Variants in TGM2 observed in about 807,000 individuals in gnomAD.
TGM2 encodes the protein protein-glutamine gamma-glutamyltransferase 2.
In TGM2, 53 loss-of-function variants were observed where a neutral mutation model predicts 75.6. The ratio of observed to expected loss-of-function variants is 0.70; its 90% CI spans 0.56 to 0.88. TGM2 has a LOEUF of 0.88. Ranked by LOEUF, TGM2 falls within the 40% of genes least tolerant of loss-of-function variation. The pLI is 0.00. For missense variants in TGM2, 842 were observed against 928.5 expected (o/e 0.91, Z 1.21); for synonymous variants, 374 against 381.1 (o/e 0.98, Z 0.22).
chr20:38,137,126 G>A (rs1009986512), intron 10 of TGM2, among the ~76,000 whole-genome samples: 1 of 152,192 alleles, frequency 6.6e-6, no homozygotes, highest in East Asian at 1.9e-4. Flanking sequence ...TTGGCTCGCC[G>A]ATCTGCTCTG....
Position 38,130,358 on chromosome 20 carries a change from A to T in TGM2, c.1925T>A (p.Val642Glu). The T allele has an allele frequency of 6.3e-7, 1 of 1,593,392 alleles. No individual in the cohort carries two copies. Among genetic ancestry groups the T allele is most frequent in the Non-Finnish European group, 8.5e-7 (1 of 1,170,500 alleles). ...CACCTTAACTTCCTCCCCTGCCTCC[A>T]CGGGGTCTGGGCTGCAGGGAGAGAG... is the stretch of plus-strand genomic sequence containing the variant. ...EQKTVEIPDPVEAGEEVKVRM... is the reference protein window; with the variant it reads ...EQKTVEIPDPEEAGEEVKVRM... Residue 642 changes from valine to glutamate, a missense_variant, in exon 13 of 13, where the codon GTG (valine) becomes GAG (glutamate). Transcript: ENST00000361475.
At chr20:38,140,251 G>A (rs2074954888) in intron 8 of TGM2, among the ~76,000 whole-genome samples, 1 of 152,242 alleles carries the variant, frequency 6.6e-6, no homozygotes, top group Admixed American at 6.5e-5. Context: ...CCAATGCTGA[G>A]GACTAGAGGC....
At chr20:38,156,362 G>A (rs956296463) in intron 2 of TGM2, among the ~76,000 whole-genome samples, 6 of 152,256 alleles carry the variant, frequency 3.9e-5, no homozygotes, top group African/African-American at 1.2e-4. Flanking sequence ...TGAGAGAGGG[G>A]CCATGTGGCC....
chr20:38,130,722 T>C (rs1022900647), intron 12 of TGM2, among the ~76,000 whole-genome samples: 5 of 152,222 alleles, frequency 3.3e-5, no homozygotes, highest in African/African-American at 1.2e-4. Context: ...TGTGTGCTCG[T>C]ATGTATGTGT....
In TGM2 at chr20:38,142,157, T is replaced by TA; in HGVS notation, c.901dup (p.Tyr301LeufsTer6). The TA allele has an allele frequency of 6.2e-7, 1 of 1,614,200 alleles. No individual in the cohort carries two copies. Among genetic ancestry groups the TA allele is most frequent in the Non-Finnish European group, 8.5e-7 (1 of 1,180,034 alleles). ...GCTGTTCTGGTCATGGGCCGAGTTG[T>TA]AGTTGGTCACGACGCGGGTAGGGAT... On this transcript the variant is annotated frameshift_variant, in exon 7 of 13. Coordinates refer to ENST00000361475, the MANE Select transcript of TGM2 (RefSeq NM_004613.4). LOFTEE classifies it high-confidence loss of function.
At chr20:38,136,171 C>T (rs1244258304) in intron 10 of TGM2, among the ~76,000 whole-genome samples, 1 of 152,188 alleles carries the variant, frequency 6.6e-6, no homozygotes, top group Non-Finnish European at 1.5e-5. Context: ...CCAGGGCGTG[C>T]AGCTCCAGGA....
In TGM2 at chr20:38,132,492, C is replaced by G. The variant is rs2229473; in HGVS notation, c.1624G>C (p.Val542Leu). ...TTCTCATAGAGGATGCAAAGAGGAA[C>G]GCTCTTCTCTGCAGAAGGGGAGAAA... ...LNLEPFSEKS[V>L]PLCILYEKYR... is the part of the protein sequence containing the mutation. The change falls in exon 11 of 13, where the codon GTT becomes CTT. Residue 542 changes from valine to leucine, a missense_variant. Val to Leu is a conservative substitution (Grantham distance 32). Coordinates refer to ENST00000361475, the MANE Select transcript of TGM2 (RefSeq NM_004613.4). 2 of 1,614,106 alleles carry G rather than the reference C, an allele frequency of 1.2e-6. No homozygotes were observed. Among genetic ancestry groups the G allele is most frequent in the Non-Finnish European group, 1.7e-6 (2 of 1,180,008 alleles).
chr20:38,142,174 G>C lies in TGM2; in HGVS notation c.885C>G (p.Thr295=), dbSNP rs2122888443. 1 of 1,614,186 alleles carries C rather than the reference G, an allele frequency of 6.2e-7. No homozygotes were observed. The highest frequency in any genetic ancestry group is 1.1e-5 in the South Asian group (1 of 91,080). The change falls in exon 7 of 13, where the codon ACC becomes ACG. Residue 295 remains threonine, a synonymous_variant. Coordinates refer to ENST00000361475, the MANE Select transcript of TGM2 (RefSeq NM_004613.4). ...CCGAGTTGTAGTTGGTCACGACGCG[G>C]GTAGGGATGCCCAGGCACCTCAGCA... ...CTVLRCLGIP[T]RVVTNYNSAH... is the part of the protein sequence containing the mutation.
intron 11 of TGM2, 133 bp from the exon 12 acceptor site, chr20:38,131,362 C>G (rs923394660): frequency 2.4e-6 from 3 of 1,267,292 alleles, no homozygotes; most frequent in African/African-American, 3.0e-5. Context: ...CCCCCTCCCC[C>G]CACCTCTGTG....
At position 38,138,178 on chromosome 20, in the gene TGM2, T is replaced by C. The variant is rs772974736; in HGVS notation, c.1550A>G (p.Asn517Ser). 66 of 1,607,086 alleles carry C rather than the reference T, an allele frequency of 4.1e-5. No homozygotes were observed. The highest frequency in any genetic ancestry group is 1.5e-4 in the Admixed American group (9 of 58,882). Reference sequence around the variant, plus strand: ...GCCACACTCGGGCCCCAAGATCCCATTGTAGCTGACGGTGCGGGCACAGAG... The same window carrying C: ...GCCACACTCGGGCCCCAAGATCCCACTGTAGCTGACGGTGCGGGCACAGAG... ...LLLCARTVSY[N>S]GILGPECGTK... The change falls in exon 10 of 13, where the codon AAT becomes AGT. Residue 517 changes from asparagine (N) to serine (S), a missense_variant. Coordinates refer to ENST00000361475, the MANE Select transcript of TGM2 (RefSeq NM_004613.4).
At chr20:38,163,217 G>T (rs7270785) in intron 1 of TGM2, among the ~76,000 whole-genome samples, 71,092 of 151,932 alleles carry the variant, frequency 0.47, 19,121 homozygotes, top group Non-Finnish European at 0.62. Flanking sequence ...AGGTCAGGAT[G>T]GGGAAGCCCT....
Position 38,147,968 on chromosome 20 carries a change from C to T in TGM2, c.674G>A (p.Ser225Asn), listed in dbSNP as rs768686328. 6.2e-7 allele frequency: 1 copy of T among 1,611,170 alleles called. No homozygotes were observed. Among genetic ancestry groups the T allele is most frequent in the South Asian group, 1.1e-5 (1 of 90,650 alleles). The change falls in exon 5 of 13, where the codon AGT becomes AAT. Residue 225 changes from serine to asparagine, a missense_variant. Physicochemically the swap from Ser to Asn is conservative, Grantham distance 46. Transcript: ENST00000361475. Reference sequence around the variant, plus strand: ...GCCATGCCACTCACTCACCATGCCACTCACCACCCGGCCCACGTAGACGGG... The same window carrying T: ...GCCATGCCACTCACTCACCATGCCATTCACCACCCGGCCCACGTAGACGGG... ...SSPVYVGRVVSGMVNCNDDQG... is the reference protein window; with the variant it reads ...SSPVYVGRVVNGMVNCNDDQG...
At chr20:38,157,573 A>C (rs900034089) in intron 2 of TGM2, among the ~76,000 whole-genome samples, 4 of 152,238 alleles carry the variant, frequency 2.6e-5, no homozygotes, top group African/African-American at 9.6e-5. Flanking sequence ...GAACTTCGAC[A>C]AGTTACTTAG....
intron 10 of TGM2, among the ~76,000 whole-genome samples, chr20:38,135,849 T>G (rs1380220024): frequency 6.6e-6 from 1 of 152,162 alleles, no homozygotes; most frequent in Admixed American, 6.5e-5. Flanking sequence ...GGTGCTGCTG[T>G]GCCCTTTCCA....
upstream of TGM2, among the ~76,000 whole-genome samples, chr20:38,167,608 G>A (rs142029458): frequency 3.1e-3 from 471 of 152,232 alleles, 9 homozygotes; most frequent in East Asian, 0.038. Context: ...CAAAGTGCTG[G>A]GATTATAGTC....
rs763383011 is a variant in TGM2 at position 38,130,350 on chromosome 20, CT to C, written c.1932del (p.Glu646ArgfsTer5). 1 of 1,596,950 alleles carries C rather than the reference CT, an allele frequency of 6.3e-7. No individual in the cohort carries two copies. The highest frequency in any genetic ancestry group is 1.1e-5 in the South Asian group (1 of 87,812). On this transcript the variant is annotated frameshift_variant, in exon 13 of 13. Transcript: ENST00000361475. LOFTEE classifies it high-confidence loss of function. The stretch of plus-strand genomic sequence containing the variant: ...TCCATTCTCACCTTAACTTCCTCCC[CT>C]GCCTCCACGGGGTCTGGGCTGCAGG... The part of the protein sequence containing the change: ...KTVEIPDPVE[A>X]GEEVKVRMDL...
At chr20:38,161,367 A>C in intron 2 of TGM2, 53 bp downstream of exon 2, 1 of 1,600,272 alleles carries the variant, frequency 6.2e-7, no homozygotes, top group Non-Finnish European at 8.5e-7. Context: ...GTCGGGGTGG[A>C]GAGGAAGTGG....
rs1386990645 is a variant in TGM2 at position 38,128,202 on chromosome 20, C to T, written c.*2017G>A. 6.6e-6 allele frequency: 1 copy of T among 152,206 alleles called. No homozygotes were observed. The highest frequency in any genetic ancestry group is 2.4e-5 in the African/African-American group (1 of 41,440). The allele number at this position is 152,206 out of a possible 1,614,324, so 9.4% of individuals were successfully genotyped here. ...CACTCCAGGCTCAGGGAACTACATA[C>T]ACAAAAGCCAAGAGGTAGACAACTA... On this transcript the variant is annotated 3_prime_UTR_variant, in exon 13 of 13. Coordinates refer to ENST00000361475, the MANE Select transcript of TGM2 (RefSeq NM_004613.4).
intron 10 of TGM2, among the ~76,000 whole-genome samples, chr20:38,135,339 C>A (rs1279022090): frequency 2.0e-5 from 3 of 151,868 alleles, no homozygotes; most frequent in African/African-American, 7.3e-5. Context: ...CAATGTCAAG[C>A]CCAAGACTTC....
Sources: allele counts gnomAD v4.1 joint callset (sites outside exome capture counted in the v4.1 genomes callset), GRCh38; gene constraint gnomAD v4.1.1; transcripts MANE v1.5; gene names NCBI Gene and HGNC (gene_info 2026-07-23, HGNC 2026-07-21).